DOCK2: variants seen among roughly 807,000 people sequenced by gnomAD.
The protein encoded by DOCK2 is dedicator of cytokinesis 2, also known as dedicator of cytokinesis protein 2.
DOCK2 carries 87 observed loss-of-function variants against 248.9 expected under a neutral mutation model. The ratio of observed to expected loss-of-function variants is 0.35; its 90% CI spans 0.29 to 0.42. The LOEUF is 0.42. DOCK2 is among the 10% of genes least tolerant of loss of function. The pLI is 1.00. For missense variants in DOCK2, 1,747 were observed against 2,300.2 expected, an observed-to-expected ratio of 0.76 and a Z score of 4.92; for synonymous variants, 805 against 821.6, an observed-to-expected ratio of 0.98 and a Z score of 0.35.
At chr5:169,864,518 G>A in intron 27 of DOCK2, 1 of 1,266,236 alleles carries the variant, frequency 7.9e-7, no homozygotes, top group Non-Finnish European at 1.1e-6. Flanking sequence ...GACTGATTAA[G>A]CATCTCTCAG....
intron 29 of DOCK2, among the ~76,000 whole-genome samples, chr5:169,992,872 T>A (rs1471867346): frequency 6.6e-6 from 1 of 152,186 alleles, no homozygotes; most frequent in Non-Finnish European, 1.5e-5. Flanking sequence ...TTCCAGTGTG[T>A]GGCTATGAAA....
intron 27 of DOCK2, among the ~76,000 whole-genome samples, chr5:169,853,417 C>T (rs547830780): frequency 6.6e-6 from 1 of 152,330 alleles, no homozygotes; most frequent in Non-Finnish European, 1.5e-5. Context: ...TCAATTCTGT[C>T]AAATGATCCT....
intron 35 of DOCK2, among the ~76,000 whole-genome samples, chr5:170,035,171 C>T (rs1399712276): frequency 6.6e-6 from 1 of 152,218 alleles, no homozygotes; most frequent in African/African-American, 2.4e-5. Context: ...TGCCAAGCAG[C>T]CTCTCTCACA....
intron 22 of DOCK2, among the ~76,000 whole-genome samples, chr5:169,745,420 G>A (rs921515877): frequency 6.6e-6 from 1 of 152,214 alleles, no homozygotes; most frequent in Non-Finnish European, 1.5e-5. Context: ...AGGCACCCAT[G>A]CTGAGAACTT....
chr5:170,055,443 C>A, intron 42 of DOCK2, 57 bp downstream of exon 42: 1 of 1,518,758 alleles, frequency 6.6e-7, no homozygotes, highest in Non-Finnish European at 9.1e-7. Flanking sequence ...TTGGGGCCAC[C>A]AAACTGAGCT....
chr5:169,914,726 C>T (rs564378596), intron 27 of DOCK2, among the ~76,000 whole-genome samples: 2 of 152,292 alleles, frequency 1.3e-5, no homozygotes, highest in Admixed American at 6.5e-5. Context: ...AGGAGCAGTT[C>T]TGTAGCCTTC....
chr5:169,814,032 G>A, intron 26 of DOCK2, among the ~76,000 whole-genome samples: 1 of 152,190 alleles, frequency 6.6e-6, no homozygotes, highest in Non-Finnish European at 1.5e-5. Context: ...TTGTTACAAG[G>A]AAGAACCATC....
Position 170,075,929 on chromosome 5 carries a change from T to G in DOCK2, c.4729-18T>G. 1 of 1,613,660 alleles carries G rather than the reference T, an allele frequency of 6.2e-7. No homozygotes were observed. The highest frequency in any genetic ancestry group is 8.5e-7 in the Non-Finnish European group (1 of 1,179,754). On this transcript the variant is annotated intron_variant, in intron 46 of 51. Coordinates refer to ENST00000520908, the MANE Select transcript of DOCK2 (RefSeq NM_004946.3). ...CACCGGTCAGCCTCTGGCTCATTCT[T>G]TACCACTTTCTCTCCAGATCCCCTT...
chr5:169,988,940 G>A (rs573489040), intron 29 of DOCK2, among the ~76,000 whole-genome samples: 1 of 152,244 alleles, frequency 6.6e-6, no homozygotes, highest in South Asian at 2.1e-4. Context: ...CTCCAAAAAG[G>A]TGCAACTTAT....
intron 25 of DOCK2, among the ~76,000 whole-genome samples, chr5:169,795,652 G>T (rs959933991): frequency 6.6e-6 from 1 of 152,220 alleles, no homozygotes; most frequent in Non-Finnish European, 1.5e-5. Flanking sequence ...GGGAGGTTGT[G>T]AGAACAAATT....
At chr5:170,037,957 A>T (rs2113840463) in intron 36 of DOCK2, among the ~76,000 whole-genome samples, 1 of 152,230 alleles carries the variant, frequency 6.6e-6, no homozygotes, top group East Asian at 1.9e-4. Flanking sequence ...TACGGCAGAT[A>T]TATCTAGGTA....
intron 27 of DOCK2, among the ~76,000 whole-genome samples, chr5:169,874,361 C>T (rs374928454): frequency 1.8e-4 from 25 of 140,572 alleles, no homozygotes; most frequent in East Asian, 4.1e-4. Context: ...TGCAGTGAGC[C>T]GAGATTGTGC....
At chr5:169,750,913 T>A (rs1454053734) in intron 23 of DOCK2, among the ~76,000 whole-genome samples, 1 of 152,196 alleles carries the variant, frequency 6.6e-6, no homozygotes, top group Non-Finnish European at 1.5e-5. Flanking sequence ...CAAGGACTCT[T>A]CTATAGACTT....
intron 10 of DOCK2, among the ~76,000 whole-genome samples, chr5:169,696,205 C>A (rs1267440602): frequency 6.6e-6 from 1 of 152,192 alleles, no homozygotes; most frequent in Non-Finnish European, 1.5e-5. Context: ...GCAGTTGACA[C>A]CTTTGCTCCC....
In DOCK2 at chr5:169,718,680, C is replaced by T; in HGVS notation, c.2156C>T (p.Thr719Ile). 3 of 1,613,648 alleles carry T rather than the reference C, an allele frequency of 1.9e-6. No individual in the cohort carries two copies. In the South Asian group the frequency reaches 3.3e-5, roughly 18 times the overall value. The change falls in exon 22 of 52, where the codon ACT becomes ATT. Residue 719 changes from threonine (T) to isoleucine (I), a missense_variant. By Grantham distance (89) the Thr-to-Ile change is moderately conservative. Coordinates refer to ENST00000520908, the MANE Select transcript of DOCK2 (RefSeq NM_004946.3). ...AYKKLMTVLK[T>I]YLDTSSRGEQ... ...AGGAAATTGATGACAGTGCTGAAGACTTACTTGGATACCTCCAGCAGAGGG... is the reference window on the plus strand; with the variant it reads ...AGGAAATTGATGACAGTGCTGAAGATTTACTTGGATACCTCCAGCAGAGGG...
At chr5:169,831,291 A>C (rs775098158) in intron 26 of DOCK2, among the ~76,000 whole-genome samples, 2 of 152,120 alleles carry the variant, frequency 1.3e-5, no homozygotes, top group African/African-American at 4.8e-5. Context: ...ATATTTTTCC[A>C]GGTCAAGATC....
intron 27 of DOCK2, among the ~76,000 whole-genome samples, chr5:169,891,448 T>C (rs894821744): frequency 2.0e-5 from 3 of 152,190 alleles, no homozygotes; most frequent in African/African-American, 7.2e-5. Flanking sequence ...CTTTAGATCT[T>C]GGGTAGAATC....
intron 2 of DOCK2, among the ~76,000 whole-genome samples, chr5:169,667,112 T>G (rs1758779224): frequency 6.6e-6 from 1 of 152,202 alleles, no homozygotes. Context: ...GTCACAGAGA[T>G]GCAGATGTGG....
At position 169,904,091 on chromosome 5, in the gene DOCK2, C is replaced by CAAAA. The variant is rs57983281; in HGVS notation, c.2799+63257_2799+63260dup. Among the ~76,000 whole-genome samples, 69 of 70,124 alleles carry CAAAA rather than the reference C, an allele frequency of 9.8e-4. 1 individual carries two copies. The highest frequency in any genetic ancestry group is 3.0e-3 in the East Asian group (7 of 2,342). The allele number at this position is 70,124 out of a possible 152,430, so 46.0% of individuals were successfully genotyped here. A position where few individuals can be genotyped will look rare whatever the true frequency, so the allele number is the denominator to read the frequency against. ...TGGGCAACAGAGCAAGACTTCGTCT[C>CAAAA]AAAAAAAAAAAAAAAAAAAAAGTTT... On this transcript the variant is annotated intron_variant, in intron 27 of 51. Coordinates refer to ENST00000520908, the MANE Select transcript of DOCK2 (RefSeq NM_004946.3).
Sources: gnomAD v4.1 joint callset for allele counts (sites outside exome capture counted in the v4.1 genomes callset) on GRCh38, gnomAD v4.1.1 for gene constraint, MANE v1.5 for transcripts, NCBI Gene and HGNC (gene_info 2026-07-23, HGNC 2026-07-21) for gene names.